The following CLCN5 variants were observed in gnomAD, a reference collection of about 807,000 sequenced individuals.
The protein encoded by CLCN5 is H(+)/Cl(-) exchange transporter 5.
CLCN5 carries 17 observed loss-of-function variants against 54.0 expected under a neutral mutation model. The ratio of observed to expected loss-of-function variants is 0.31; its 90% CI spans 0.22 to 0.47. The LOEUF is 0.47. Among genes scored for constraint, CLCN5 ranks in the 20% least tolerant of loss-of-function variants. The probability of loss-of-function intolerance (pLI) is 1.00; values close to 1 mark genes in which losing one functional copy is unlikely to be tolerated. For missense variants in CLCN5, 448 were observed against 646.7 expected, an observed-to-expected ratio of 0.69 and a Z score of 3.33; for synonymous variants, 222 against 233.0, an observed-to-expected ratio of 0.95 and a Z score of 0.43.
intron 4 of CLCN5, chrX:50,067,873 G>A (rs1933090030): frequency 2.4e-5 from 6 of 246,189 alleles, no homozygotes; most frequent in Non-Finnish European, 3.4e-5. Context: ...CTCTTTGAGA[G>A]GGGCCTGACA....
At chrX:49,942,567 A>G (rs1388039169) in intron 3 of CLCN5, among the ~76,000 whole-genome samples, 16 of 12,260 alleles carry the variant, frequency 1.3e-3, no homozygotes, top group African/African-American at 4.1e-3. Flanking sequence ...CCCCTACCCC[A>G]CGACAGGCCC....
intron 3 of CLCN5, among the ~76,000 whole-genome samples, chrX:49,949,135 G>C (rs931084885): frequency 8.9e-6 from 1 of 112,237 alleles, no homozygotes; most frequent in East Asian, 2.8e-4. Context: ...AGGATCCATA[G>C]TAGTGGTTCT....
chrX:50,081,025 G>T (rs1359552599), intron 8 of CLCN5, among the ~76,000 whole-genome samples: 2 of 111,354 alleles, frequency 1.8e-5, no homozygotes, highest in Non-Finnish European at 3.8e-5. Context: ...CAGTGTTATT[G>T]TCAGCTTTTT....
chrX:49,992,493 A>G (rs1463411262), intron 3 of CLCN5, among the ~76,000 whole-genome samples: 2 of 111,390 alleles, frequency 1.8e-5, no homozygotes, highest in Admixed American at 1.9e-4. Flanking sequence ...CATCACTGGC[A>G]GAATCTCCAA....
At chrX:49,938,395 A>G (rs113059327) in intron 3 of CLCN5, among the ~76,000 whole-genome samples, 5,233 of 111,644 alleles carry the variant, frequency 0.047, 118 homozygotes, top group Middle Eastern at 0.07. Context: ...ACTATACTAC[A>G]AGGCTACAGT....
intron 3 of CLCN5, among the ~76,000 whole-genome samples, chrX:50,037,899 C>T (rs1932065472): frequency 9.0e-6 from 1 of 110,995 alleles, no homozygotes; most frequent in Admixed American, 9.6e-5. Flanking sequence ...TACCTATGTC[C>T]ATTGGGGAGC....
chrX:50,012,244 A>G (rs1293200503), intron 3 of CLCN5, among the ~76,000 whole-genome samples: 2 of 111,646 alleles, frequency 1.8e-5, no homozygotes, highest in Non-Finnish European at 3.8e-5. Context: ...CCTTACACAG[A>G]GCTGCAGCCA....
intron 7 of CLCN5, among the ~76,000 whole-genome samples, chrX:50,076,332 G>A (rs1557192142): frequency 4.5e-5 from 5 of 112,138 alleles, no homozygotes; most frequent in Non-Finnish European, 7.5e-5. Flanking sequence ...TCTAATGAAG[G>A]ACAGAGTGAG....
intron 3 of CLCN5, among the ~76,000 whole-genome samples, chrX:50,030,139 A>T (rs915165982): frequency 8.9e-6 from 1 of 112,079 alleles, no homozygotes; most frequent in African/African-American, 3.2e-5. Context: ...TATATAAAAG[A>T]TGCCACGGGG....
chrX:50,005,435 A>G (rs191459097), intron 3 of CLCN5, among the ~76,000 whole-genome samples: 214 of 110,573 alleles, frequency 1.9e-3, no homozygotes, highest in African/African-American at 6.7e-3. Flanking sequence ...ATTAGCTGGA[A>G]TACTTCTATA....
intron 3 of CLCN5, among the ~76,000 whole-genome samples, chrX:50,002,718 G>T (rs1171990341): frequency 5.1e-5 from 5 of 98,692 alleles, no homozygotes; most frequent in Non-Finnish European, 8.2e-5. Flanking sequence ...TGTGTGTGTG[G>T]TGTGTGTGTG....
At chrX:50,007,471 CACAG>C (rs1160902318) in intron 3 of CLCN5, among the ~76,000 whole-genome samples, 5,713 of 105,846 alleles carry the variant, frequency 0.054, 461 homozygotes, top group African/African-American at 0.2. Context: ...CACACACACA[CACAG>C]AGAGAGTGGA....
chrX:50,005,409 A>C lies in CLCN5; in HGVS notation c.17-36907A>C, dbSNP rs112877774. ...TGCAAAATGATGATATTCTAATCCC[A>C]TTATTCTCTTGATTTATTAGCTGGA... On this transcript the variant is annotated intron_variant, in intron 3 of 14. Coordinates refer to ENST00000376091, the MANE Select transcript of CLCN5 (RefSeq NM_001127898.4). Among the ~76,000 whole-genome samples the C allele has an allele frequency of 6.9e-3, 768 of 111,507 alleles. 6 individuals carry two copies. Among genetic ancestry groups the C allele is most frequent in the African/African-American group, 0.024 (720 of 30,519 alleles).
At chrX:50,069,537 G>A in intron 4 of CLCN5, 1 of 778,371 alleles carries the variant, frequency 1.3e-6, no homozygotes, top group Non-Finnish European at 1.5e-6. Context: ...TGACCCTTTT[G>A]TCTCCCTTCC....
At chrX:49,939,411 G>A (rs782250913) in intron 3 of CLCN5, among the ~76,000 whole-genome samples, 3 of 111,157 alleles carry the variant, frequency 2.7e-5, no homozygotes, top group South Asian at 3.8e-4. Flanking sequence ...ATGATAGACC[G>A]GATTAAGAAA....
chrX:49,993,004 A>G (rs1436602251), intron 3 of CLCN5, among the ~76,000 whole-genome samples: 3 of 111,762 alleles, frequency 2.7e-5, no homozygotes, highest in Non-Finnish European at 5.6e-5. Context: ...AAGCAATACA[A>G]TAGTTTAAGC....
At chrX:50,077,613 AGAGAGAGAGTGTGTGT>A (rs1470444201) in intron 7 of CLCN5, among the ~76,000 whole-genome samples, 12 of 91,137 alleles carry the variant, frequency 1.3e-4, no homozygotes, top group African/African-American at 5.3e-4. Flanking sequence ...AGAGAGAGAG[AGAGAGAGAGTGTGTGT>A]GTGTGTGTGT....
At chrX:49,964,680 C>G (rs1927761344) in intron 3 of CLCN5, among the ~76,000 whole-genome samples, 1 of 111,595 alleles carries the variant, frequency 9.0e-6, no homozygotes, top group Non-Finnish European at 1.9e-5. Flanking sequence ...TCATTTATCC[C>G]TATATAAAGA....
At chrX:49,999,832 G>T (rs781965131) in intron 3 of CLCN5, among the ~76,000 whole-genome samples, 5 of 112,151 alleles carry the variant, frequency 4.5e-5, no homozygotes, top group Non-Finnish European at 9.4e-5. Context: ...TGCTTTCTTA[G>T]TCTGTACATT....
Sources: gnomAD v4.1 joint callset for allele counts (sites outside exome capture counted in the v4.1 genomes callset) on GRCh38, gnomAD v4.1.1 for gene constraint, MANE v1.5 for transcripts, NCBI Gene and HGNC (gene_info 2026-07-23, HGNC 2026-07-21) for gene names.